The following MORC1 variants were observed in gnomAD, a reference collection of about 807,000 sequenced individuals.
MORC1 encodes MORC family CW-type zinc finger protein 1.
In MORC1, 59 loss-of-function variants were observed where a neutral mutation model predicts 134.9. The ratio of observed to expected loss-of-function variants is 0.44; its 90% CI spans 0.35 to 0.54. The LOEUF (loss-of-function observed/expected upper bound fraction) is 0.54, where lower values mean the gene tolerates loss of function less well. Among genes scored for constraint, MORC1 ranks in the 20% least tolerant of loss-of-function variants. MORC1 has a pLI of 0.00. For synonymous variants in MORC1, 395 were observed against 391.7 expected (o/e 1.01, Z -0.10); for missense variants, 947 against 1,134.5 (o/e 0.83, Z 2.37).
At chr3:108,985,192 T>C (rs1356097631) in intron 22 of MORC1, among the ~76,000 whole-genome samples, 2 of 152,170 alleles carry the variant, frequency 1.3e-5, no homozygotes, top group Admixed American at 6.6e-5. Context: ...GAAAAATGTG[T>C]CTCCAGTAGG....
At chr3:108,982,261 G>A (rs1344517859) in intron 23 of MORC1, among the ~76,000 whole-genome samples, 1 of 152,170 alleles carries the variant, frequency 6.6e-6, no homozygotes, top group Non-Finnish European at 1.5e-5. Context: ...CAACATGCTG[G>A]AGAGGATGTG....
chr3:109,005,129 G>C lies in MORC1; in HGVS notation c.1954C>G (p.Gln652Glu), dbSNP rs1948506178. 2.0e-5 allele frequency: 33 copies of C among 1,613,772 alleles called. No homozygotes were observed. Among genetic ancestry groups the C allele is most frequent in the Non-Finnish European group, 2.6e-5 (31 of 1,179,882 alleles). Reference protein sequence around the residue: ...KKSMEEKMNSQQQRIPVALPE... With the variant: ...KKSMEEKMNSEQQRIPVALPE... ...AGAGCTACTGGAATTCTCTGCTGTT[G>C]AGAGTTCATTTTCTCCTCCATAGAC... Residue 652 changes from glutamine to glutamate, a missense_variant, in exon 19 of 28, where the codon CAA becomes GAA. Around this residue, in one of 3 missense-constraint regions of MORC1, gnomAD observed 722 missense variants for 817.0 expected, o/e 0.88. Transcript: ENST00000232603.
chr3:108,989,221 T>C (rs549007115), intron 21 of MORC1, among the ~76,000 whole-genome samples: 3 of 152,340 alleles, frequency 2.0e-5, no homozygotes, highest in Middle Eastern at 3.4e-3. Flanking sequence ...TTACATTAAT[T>C]GGTTTCCTTA....
chr3:109,063,353 T>G (rs1405247461), intron 9 of MORC1, 122 bp from the exon 10 acceptor site: 1 of 549,764 alleles, frequency 1.8e-6, no homozygotes, highest in African/African-American at 1.9e-5. Context: ...ATTCATCGAG[T>G]GAGTTGCATC....
intron 24 of MORC1, among the ~76,000 whole-genome samples, chr3:108,974,389 T>G (rs1290791188): frequency 6.6e-6 from 1 of 152,212 alleles, no homozygotes; most frequent in East Asian, 1.9e-4. Context: ...TTTATTGTCT[T>G]GAGTCCCTTT....
chr3:109,046,840 T>C (rs899356153), intron 14 of MORC1, among the ~76,000 whole-genome samples: 1 of 152,204 alleles, frequency 6.6e-6, no homozygotes, highest in Non-Finnish European at 1.5e-5. Flanking sequence ...ATTTTTCTTG[T>C]TTTTGTAGCA....
chr3:108,988,285 T>G (rs1245786415), intron 21 of MORC1, among the ~76,000 whole-genome samples: 1 of 152,140 alleles, frequency 6.6e-6, no homozygotes, highest in African/African-American at 2.4e-5. Flanking sequence ...AAGAAAAGCC[T>G]TATGGATAAG....
At chr3:109,047,304 A>C (rs1949716203) in intron 14 of MORC1, among the ~76,000 whole-genome samples, 1 of 152,168 alleles carries the variant, frequency 6.6e-6, no homozygotes, top group Non-Finnish European at 1.5e-5. Flanking sequence ...GGGAAAAATC[A>C]AACTATAAGA....
At chr3:109,015,077 G>A (rs1220657996) in intron 17 of MORC1, among the ~76,000 whole-genome samples, 1 of 152,056 alleles carries the variant, frequency 6.6e-6, no homozygotes, top group South Asian at 2.1e-4. Flanking sequence ...TAGTAGAGAC[G>A]GGGTTTCACC....
chr3:109,110,795 AC>A lies in MORC1; in HGVS notation c.120-13del. 1 of 1,581,308 alleles carries A rather than the reference AC, an allele frequency of 6.3e-7. No individual in the cohort carries two copies. The stretch of plus-strand genomic sequence containing the variant: ...CAGCCCCTGCATCTCTGGAAACAAT[AC>A]AAAAATATTATTTCTTCAATATGAA... On this transcript the variant is annotated splice_polypyrimidine_tract_variant and intron_variant, in intron 2 of 27. Transcript: ENST00000232603.
chr3:108,976,883 A>C (rs1165090624), intron 24 of MORC1, among the ~76,000 whole-genome samples: 3 of 152,310 alleles, frequency 2.0e-5, no homozygotes, highest in Non-Finnish European at 4.4e-5. Flanking sequence ...GTCTTAGTAC[A>C]CTCAATCAGA....
At chr3:109,108,848 C>T (rs2107797802) in intron 3 of MORC1, among the ~76,000 whole-genome samples, 1 of 151,574 alleles carries the variant, frequency 6.6e-6, no homozygotes, top group South Asian at 2.1e-4. Context: ...TGCAGTGAGC[C>T]GAGCTCGCGC....
intron 14 of MORC1, 137 bp downstream of exon 14, chr3:109,054,591 C>T (rs1354053302): frequency 2.7e-6 from 2 of 732,062 alleles, no homozygotes; most frequent in Admixed American, 3.3e-5. Context: ...CTTCTCACTC[C>T]TGTTTTTAAA....
chr3:109,063,105 G>C (rs13060344), intron 10 of MORC1, 47 bp downstream of exon 10: 4 of 1,362,072 alleles, frequency 2.9e-6, no homozygotes, highest in Non-Finnish European at 2.1e-6. Context: ...ATTAACATTT[G>C]CTGAATGACT....
chr3:109,006,517 T>A (rs1576624222), intron 18 of MORC1, among the ~76,000 whole-genome samples: 1 of 152,330 alleles, frequency 6.6e-6, no homozygotes, highest in East Asian at 1.9e-4. Flanking sequence ...GAAATGTGAA[T>A]AATTAAAATT....
chr3:109,080,708 T>A (rs1007778859), intron 8 of MORC1, among the ~76,000 whole-genome samples: 2 of 152,126 alleles, frequency 1.3e-5, no homozygotes, highest in Non-Finnish European at 2.9e-5. Flanking sequence ...AGCTGATTTT[T>A]AAAATTCAGA....
At chr3:109,096,223 G>A (rs1221972962) in intron 6 of MORC1, among the ~76,000 whole-genome samples, 1 of 152,188 alleles carries the variant, frequency 6.6e-6, no homozygotes, top group Non-Finnish European at 1.5e-5. Context: ...GAAAGTGTCA[G>A]AGGTGTCTGA....
rs537621224 is a variant in MORC1 at position 109,007,100 on chromosome 3, G to C, written c.1705-9C>G. 1 of 1,605,620 alleles carries C rather than the reference G, an allele frequency of 6.2e-7. No individual in the cohort carries two copies. Among genetic ancestry groups the C allele is most frequent in the Non-Finnish European group, 8.5e-7 (1 of 1,176,094 alleles). On this transcript the variant is annotated splice_polypyrimidine_tract_variant and intron_variant, in intron 17 of 27. Transcript: ENST00000232603. ...ACTGGTATAAATTGAGGCTTTATGG[G>C]AAAGCAAACCATTAAGGCAAATGTA...
At position 109,043,764 on chromosome 3, in the gene MORC1, C is replaced by T. The variant is rs561869615; in HGVS notation, c.1331-8296G>A. On this transcript the variant is annotated intron_variant, in intron 14 of 27. Coordinates refer to ENST00000232603, the MANE Select transcript of MORC1 (RefSeq NM_014429.4). ...TTGTAGGTCGGCATCCTGCACCTAA[C>T]AAGCCCTCAACCAACGTTGCTGCTA... Among the ~76,000 whole-genome samples, 7 of 152,284 alleles carry T rather than the reference C, an allele frequency of 4.6e-5. No individual in the cohort carries two copies. The South Asian group carries it at 1.5e-3, about 32-fold the overall frequency.
Sources: gnomAD v4.1 joint callset for allele counts (sites outside exome capture counted in the v4.1 genomes callset) on GRCh38, gnomAD v4.1.1 for gene constraint, gnomAD v4.1.1 regional missense constraint, MANE v1.5 for transcripts, NCBI Gene and HGNC (gene_info 2026-07-23, HGNC 2026-07-21) for gene names.